ARHGAP44: variants seen among roughly 807,000 people sequenced by gnomAD.
ARHGAP44 encodes the protein rho GTPase-activating protein 44.
A neutral mutation model predicts 106.8 loss-of-function variants in ARHGAP44; 43 were observed. The ratio of observed to expected loss-of-function variants is 0.40; its 90% CI spans 0.32 to 0.52. The LOEUF (loss-of-function observed/expected upper bound fraction) is 0.52. ARHGAP44 is among the 20% of genes least tolerant of loss of function. The pLI is 0.48. For synonymous variants in ARHGAP44, 439 were observed against 410.3 expected (o/e 1.07, Z -0.85); for missense variants, 866 against 1,050.5 (o/e 0.82, Z 2.43).
chr17:12,833,658 A>G (rs1024491322), intron 1 of ARHGAP44, among the ~76,000 whole-genome samples: 3 of 152,112 alleles, frequency 2.0e-5, no homozygotes, highest in African/African-American at 7.2e-5. Context: ...GATCCTGAGA[A>G]TGTGTCCCTA....
At chr17:12,948,067 T>A (rs191798425) in intron 10 of ARHGAP44, among the ~76,000 whole-genome samples, 4 of 152,312 alleles carry the variant, frequency 2.6e-5, no homozygotes, top group Admixed American at 2.6e-4. Flanking sequence ...TGGGTTGCAT[T>A]ACAGAATGCA....
chr17:12,840,277 G>A (rs2035352751), intron 1 of ARHGAP44, among the ~76,000 whole-genome samples: 1 of 152,090 alleles, frequency 6.6e-6, no homozygotes, highest in Admixed American at 6.5e-5. Flanking sequence ...GCATGTATGT[G>A]GTTAGTTTAT....
chr17:12,915,682 C>T (rs1049322061), intron 4 of ARHGAP44, among the ~76,000 whole-genome samples: 1 of 152,114 alleles, frequency 6.6e-6, no homozygotes, highest in African/African-American at 2.4e-5. Context: ...CCCCTTGTGC[C>T]CCAGGCACAC....
chr17:12,829,203 C>T (rs1321686092), intron 1 of ARHGAP44, among the ~76,000 whole-genome samples: 1 of 152,004 alleles, frequency 6.6e-6, no homozygotes, highest in East Asian at 1.9e-4. Context: ...AACTGTGTTC[C>T]TATATCACCC....
In ARHGAP44 at chr17:12,943,574, T is replaced by A; in HGVS notation, c.652-14T>A. 8 of 1,613,502 alleles carry A rather than the reference T, an allele frequency of 5.0e-6. No homozygotes were observed. Among genetic ancestry groups the A allele is most frequent in the Non-Finnish European group, 6.8e-6 (8 of 1,179,518 alleles). On this transcript the variant is annotated splice_polypyrimidine_tract_variant and intron_variant, in intron 8 of 20. Transcript: ENST00000379672. ...CCCCTCACTAAGGGTGATGCTTGCC[T>A]TGTGTCTTCTCAGCTAATAGAAGTG...
chr17:12,973,456 A>G, intron 17 of ARHGAP44, 137 bp downstream of exon 17: 2 of 858,792 alleles, frequency 2.3e-6, no homozygotes, highest in Non-Finnish European at 3.7e-6. Flanking sequence ...CTGTGTGCCC[A>G]TCATTAAAAT....
In ARHGAP44 at chr17:12,888,248, A is replaced by AT. The variant is rs956183629; in HGVS notation, c.54-6685dup. 9.1e-4 allele frequency among the ~76,000 whole-genome samples: 139 copies of AT among 152,054 alleles called. 1 individual carries two copies. The highest frequency in any genetic ancestry group is 3.4e-3 in the Middle Eastern group (1 of 294). On this transcript the variant is annotated intron_variant, in intron 1 of 20. Coordinates refer to ENST00000379672, the MANE Select transcript of ARHGAP44 (RefSeq NM_014859.6). Reference sequence around the variant, plus strand: ...TCTAATGTATAGATTTAATGCTATAATTTTTTTCCCAGCACAACTTTGGTT... The same window carrying AT: ...TCTAATGTATAGATTTAATGCTATAATTTTTTTTCCCAGCACAACTTTGGTT...
intron 1 of ARHGAP44, among the ~76,000 whole-genome samples, chr17:12,801,639 C>T (rs559536846): frequency 1.3e-5 from 2 of 152,118 alleles, no homozygotes; most frequent in South Asian, 4.1e-4. Flanking sequence ...GTTTTTATGA[C>T]ATTCAAAAAA....
chr17:12,868,605 A>ATATATATATGCAT (rs2036309225), intron 1 of ARHGAP44, among the ~76,000 whole-genome samples: 1 of 127,642 alleles, frequency 7.8e-6, no homozygotes, highest in South Asian at 2.9e-4. Flanking sequence ...ATATATATAT[A>ATATATATATGCAT]TATATATATA....
intron 1 of ARHGAP44, among the ~76,000 whole-genome samples, chr17:12,854,319 T>C (rs2035843653): frequency 6.6e-6 from 1 of 152,132 alleles, no homozygotes; most frequent in South Asian, 2.1e-4. Flanking sequence ...TTGTGGTCTT[T>C]TTTTCCCCAA....
chr17:12,826,002 A>C (rs578207868), intron 1 of ARHGAP44, among the ~76,000 whole-genome samples: 1 of 152,270 alleles, frequency 6.6e-6, no homozygotes, highest in Admixed American at 6.5e-5. Flanking sequence ...TTCGTTCTAA[A>C]ATATTTTGTT....
At chr17:12,972,119 GC>G (rs2039541296) in intron 16 of ARHGAP44, among the ~76,000 whole-genome samples, 1 of 152,162 alleles carries the variant, frequency 6.6e-6, no homozygotes, top group African/African-American at 2.4e-5. Context: ...GTGAAAGTGA[GC>G]ACATCATAGT....
chr17:12,814,912 A>G (rs1257135807), intron 1 of ARHGAP44, among the ~76,000 whole-genome samples: 1 of 152,144 alleles, frequency 6.6e-6, no homozygotes, highest in Non-Finnish European at 1.5e-5. Context: ...AGTGGTAAAT[A>G]TTGCTGAATC....
chr17:12,944,339 T>C, intron 10 of ARHGAP44, 143 bp downstream of exon 10: 1 of 1,042,292 alleles, frequency 9.6e-7, no homozygotes, highest in African/African-American at 1.6e-5. Context: ...AGACCCATCT[T>C]CTGCAGAACA....
At chr17:12,871,833 T>G (rs117083639) in intron 1 of ARHGAP44, among the ~76,000 whole-genome samples, 2 of 152,256 alleles carry the variant, frequency 1.3e-5, no homozygotes, top group East Asian at 3.9e-4. Flanking sequence ...ATGTGCCTGT[T>G]TCCCCTTCAC....
Position 12,819,253 on chromosome 17 carries a change from C to T in ARHGAP44, c.53+29362C>T, listed in dbSNP as rs118172007. Among the ~76,000 whole-genome samples the T allele has an allele frequency of 9.2e-4, 140 of 152,074 alleles. 2 individuals carry two copies. The East Asian group carries it at 0.025, about 27-fold the overall frequency. On this transcript the variant is annotated intron_variant, in intron 1 of 20. Transcript: ENST00000379672. ...CAATGTATTATTTTTGAGATTCATA[C>T]GTGTTGCATATATCAGTATTTTTTT...
rs1307022389 is a variant in ARHGAP44 at position 12,958,965 on chromosome 17, A to G, written c.1523+68A>G. 4 of 1,520,584 alleles carry G rather than the reference A, an allele frequency of 2.6e-6. No homozygotes were observed. The highest frequency in any genetic ancestry group is 3.6e-6 in the Non-Finnish European group (4 of 1,120,456). 94.2% of individuals were successfully genotyped at this position (1,520,584 alleles called of 1,614,324 possible). On this transcript the variant is annotated intron_variant, in intron 16 of 20. Transcript: ENST00000379672. The surrounding 1 kb of genome is among the most constrained non-coding windows in gnomAD (Gnocchi z 4.1). ...GGTGGTGGGGGTGGATGGGTGACGC[A>G]TAAGAAAAATACAATTACGGGAAGG...
intron 6 of ARHGAP44, among the ~76,000 whole-genome samples, chr17:12,926,194 G>A (rs1190769134): frequency 6.6e-6 from 1 of 151,470 alleles, no homozygotes; most frequent in African/African-American, 2.4e-5. Context: ...GCGAAACCCC[G>A]TCTCTACTAA....
chr17:12,879,257 A>G (rs1248596787), intron 1 of ARHGAP44, among the ~76,000 whole-genome samples: 1 of 152,194 alleles, frequency 6.6e-6, no homozygotes, highest in Non-Finnish European at 1.5e-5. Flanking sequence ...CTTCACTTAG[A>G]ACGATGGTCT....
Sources: allele counts gnomAD v4.1 joint callset (sites outside exome capture counted in the v4.1 genomes callset), GRCh38; gene constraint gnomAD v4.1.1; non-coding constraint Gnocchi (gnomAD v3.1); transcripts MANE v1.5; gene names NCBI Gene and HGNC (gene_info 2026-07-23, HGNC 2026-07-21).